MYO7B: variants seen among roughly 807,000 people sequenced by gnomAD.
The protein encoded by MYO7B is myosin VIIB, also known as unconventional myosin-VIIb.
MYO7B carries 212 observed loss-of-function variants against 259.7 expected under a neutral mutation model. The ratio of observed to expected loss-of-function variants is 0.82; its 90% confidence interval spans 0.73 to 0.91. The LOEUF is 0.91. Ranked by LOEUF, MYO7B falls within the 40% of genes least tolerant of loss-of-function variation. The probability of loss-of-function intolerance (pLI) is 0.00; values close to 1 mark genes in which losing one functional copy is unlikely to be tolerated. For synonymous variants in MYO7B, 1,197 were observed against 1,166.4 expected, an observed-to-expected ratio of 1.03 and a Z score of -0.54; for missense variants, 2,732 against 2,813.5, an observed-to-expected ratio of 0.97 and a Z score of 0.66.
chr2:127,578,416 A>T lies in MYO7B; in HGVS notation c.1003+130A>T, dbSNP rs1678966694. 4.9e-6 allele frequency: 6 copies of T among 1,214,890 alleles called. No individual in the cohort carries two copies. In the South Asian group the frequency reaches 9.1e-5, roughly 18 times the overall value. 75.3% of individuals were successfully genotyped at this position (1,214,890 alleles called of 1,614,324 possible). On this transcript the variant is annotated intron_variant, in intron 9 of 47. Coordinates refer to ENST00000409816, the MANE Select transcript of MYO7B (RefSeq NM_001393586.1). ...AACCCAGGCCTGGAAAAATATATCT[A>T]AAAAATTCAGCTGTGATTTTGGAGG...
intron 6 of MYO7B, among the ~76,000 whole-genome samples, chr2:127,572,588 C>T (rs546343848): frequency 2.7e-5 from 4 of 148,124 alleles, no homozygotes; most frequent in Non-Finnish European, 5.9e-5. Context: ...CTCCTTCCTT[C>T]CTTTCTTTTT....
Position 127,630,188 on chromosome 2 carries a change from A to C in MYO7B, c.4806+362A>C, listed in dbSNP as rs555482045. The stretch of plus-strand genomic sequence containing the variant: ...CCCCAAGACCAGCCTCTCCGGAGGC[A>C]GGAATGGCAGGCATTGCAACATGTA... On this transcript the variant is annotated intron_variant, in intron 35 of 47. Coordinates refer to ENST00000409816, the MANE Select transcript of MYO7B (RefSeq NM_001393586.1). Among the ~76,000 whole-genome samples the C allele has an allele frequency of 1.8e-3, 269 of 152,228 alleles. 2 individuals are homozygous for C. Among genetic ancestry groups the C allele is most frequent in the Non-Finnish European group, 2.4e-3 (161 of 68,042 alleles).
At chr2:127,595,562 G>C (rs960686204) in intron 18 of MYO7B, among the ~76,000 whole-genome samples, 3 of 152,218 alleles carry the variant, frequency 2.0e-5, no homozygotes, top group Non-Finnish European at 2.9e-5. Context: ...TGTGATGTCA[G>C]GGCGTCAATT....
At chr2:127,578,371 C>G in intron 9 of MYO7B, 85 bp downstream of exon 9, 1 of 1,533,736 alleles carries the variant, frequency 6.5e-7, no homozygotes, top group Non-Finnish European at 8.9e-7. Context: ...GGGGTTCTCA[C>G]AGGAAGGATC....
rs1381081388 is a variant in MYO7B, at chr2:127,586,331, C to A, written c.1690+1418C>A. Among the ~76,000 whole-genome samples, 1 of 152,166 alleles carries A rather than the reference C, an allele frequency of 6.6e-6. No homozygotes were observed. Among genetic ancestry groups the A allele is most frequent in the Non-Finnish European group, 1.5e-5 (1 of 68,022 alleles). On this transcript the variant is annotated intron_variant, in intron 14 of 47. Transcript: ENST00000409816. This position sits in a 1 kb window ranked among gnomAD's most constrained non-coding sequence, Gnocchi z 4.8. ...GAAAAACGAGGAAGGTGGCCGTGGG[C>A]TGCTGTGGTCAGGAAAGCAGGGCGG...
intron 1 of MYO7B, among the ~76,000 whole-genome samples, chr2:127,558,656 G>T (rs951421247): frequency 6.6e-6 from 1 of 152,096 alleles, no homozygotes; most frequent in African/African-American, 2.4e-5. Flanking sequence ...CATATATATA[G>T]AGATATAGAC....
rs1039883466 is a variant in MYO7B, at chr2:127,628,021, C to T, written c.4461-351C>T. On this transcript the variant is annotated intron_variant, in intron 33 of 47. Transcript: ENST00000409816. The surrounding 1 kb of genome is among the most constrained non-coding windows in gnomAD (Gnocchi z 4.8). ...ATGAGCGGATGAGTAAACTGAAGCACGCCGAGGTTAGGTGGCTCAGAGTAA... is the reference window on the plus strand; with the variant it reads ...ATGAGCGGATGAGTAAACTGAAGCATGCCGAGGTTAGGTGGCTCAGAGTAA... The T allele has an allele frequency of 4.2e-5, 21 of 498,994 alleles. No individual in the cohort carries two copies. The highest frequency in any genetic ancestry group is 1.5e-4 in the African/African-American group (8 of 51,776). 30.9% of individuals were successfully genotyped at this position (498,994 alleles called of 1,614,324 possible).
At position 127,593,555 on chromosome 2, in the gene MYO7B, A is replaced by C. The variant is rs760985677; in HGVS notation, c.2155A>C (p.Lys719Gln). 17 of 1,612,772 alleles carry C rather than the reference A, an allele frequency of 1.1e-5. No homozygotes were observed. Among genetic ancestry groups the C allele is most frequent in the Non-Finnish European group, 1.4e-5 (16 of 1,179,430 alleles). Residue 719 changes from lysine (K) to glutamine (Q), a missense_variant, in exon 18 of 48, where the codon AAG becomes CAG. Around this residue, in one of 3 missense-constraint regions of MYO7B, gnomAD observed 1,906 missense variants for 2,026.4 expected, o/e 0.94. Coordinates refer to ENST00000409816, the MANE Select transcript of MYO7B (RefSeq NM_001393586.1). ...CGTTTGGTCTTGGCAGCTGCAAGGC[A>C]AGCTCCGCCAGATGACCCTGGGCAT... ...PNAMRMQLQG[K>Q]LRQMTLGITD...
Position 127,565,335 on chromosome 2 carries a change from G to T in MYO7B, c.235G>T (p.Ala79Ser). The part of the protein sequence containing the change: ...DMIRLGDLNE[A>S]GMVHNLLIRY... Reference sequence around the variant, plus strand: ...GATCCGCCTGGGGGACCTGAACGAGGCAGGCATGGTGCACAACCTCCTGAT... The same window carrying T: ...GATCCGCCTGGGGGACCTGAACGAGTCAGGCATGGTGCACAACCTCCTGAT... Residue 79 changes from alanine (A) to serine (S), a missense_variant, in exon 4 of 48, where the codon GCA becomes TCA. Ala to Ser is a moderately conservative substitution (Grantham distance 99). Coordinates refer to ENST00000409816, the MANE Select transcript of MYO7B (RefSeq NM_001393586.1). 6.2e-7 allele frequency: 1 copy of T among 1,614,032 alleles called. No individual in the cohort carries two copies. Among genetic ancestry groups the T allele is most frequent in the Non-Finnish European group, 8.5e-7 (1 of 1,179,880 alleles).
At chr2:127,552,158 T>C (rs1005768236) in intron 1 of MYO7B, among the ~76,000 whole-genome samples, 4 of 152,262 alleles carry the variant, frequency 2.6e-5, no homozygotes, top group Non-Finnish European at 5.9e-5. Flanking sequence ...TTCTTTTCTT[T>C]GGGCCTTTTA....
At chr2:127,604,601 G>A (rs1285112483) in intron 19 of MYO7B, among the ~76,000 whole-genome samples, 2 of 152,126 alleles carry the variant, frequency 1.3e-5, no homozygotes, top group African/African-American at 2.4e-5. Flanking sequence ...AGTTTTGGAC[G>A]GGCCTTCCTC....
intron 1 of MYO7B, among the ~76,000 whole-genome samples, chr2:127,547,400 C>T (rs1039402959): frequency 1.3e-5 from 2 of 152,142 alleles, no homozygotes; most frequent in African/African-American, 2.4e-5. Flanking sequence ...TGGTAACACA[C>T]GTGCTTGTGT....
intron 1 of MYO7B, among the ~76,000 whole-genome samples, chr2:127,536,241 G>A (rs1486259269): frequency 1.3e-5 from 2 of 152,206 alleles, no homozygotes; most frequent in African/African-American, 4.8e-5. Flanking sequence ...TGTGCCGTGT[G>A]TGACATCCCA....
At chr2:127,569,613 G>A (rs1211579075) in intron 5 of MYO7B, among the ~76,000 whole-genome samples, 176 bp from the exon 6 acceptor site, 1 of 152,150 alleles carries the variant, frequency 6.6e-6, no homozygotes, top group Admixed American at 6.5e-5. Context: ...TACAACACAG[G>A]CAGCCTGAGA....
rs772592618 is a variant in MYO7B, at chr2:127,576,631, A to G, written c.772A>G (p.Met258Val). The change falls in exon 8 of 48, where the codon ATG becomes GTG. Residue 258 changes from methionine (M) to valine (V), a missense_variant. By Grantham distance (21) the Met-to-Val change is conservative. Transcript: ENST00000409816. The surrounding 1 kb of genome is among the most constrained non-coding windows in gnomAD (Gnocchi z 4.9). The part of the protein sequence containing the change: ...EERNYHIFYC[M>V]LMGVSAEDKQ... ...GCGGAACTACCATATCTTCTACTGCATGCTCATGGGGGTGAGTGCTGAGGA... is the reference window on the plus strand; with the variant it reads ...GCGGAACTACCATATCTTCTACTGCGTGCTCATGGGGGTGAGTGCTGAGGA... 4.3e-6 allele frequency: 7 copies of G among 1,610,716 alleles called. No individual in the cohort carries two copies. The East Asian group carries it at 6.7e-5, about 15-fold the overall frequency.
chr2:127,600,637 G>A (rs1472294065), intron 19 of MYO7B, among the ~76,000 whole-genome samples: 1 of 152,210 alleles, frequency 6.6e-6, no homozygotes, highest in Non-Finnish European at 1.5e-5. Context: ...TTGAACCTGG[G>A]AGGTGGAGGT....
rs762366777 is a variant in MYO7B at position 127,607,474 on chromosome 2, G to A, written c.2643+50G>A. 1 of 1,496,968 alleles carries A rather than the reference G, an allele frequency of 6.7e-7. No individual in the cohort carries two copies. The allele number at this position is 1,496,968 out of a possible 1,614,324, so 92.7% of individuals were successfully genotyped here. On this transcript the variant is annotated intron_variant, in intron 21 of 47. Coordinates refer to ENST00000409816, the MANE Select transcript of MYO7B (RefSeq NM_001393586.1). The surrounding 1 kb of genome is among the most constrained non-coding windows in gnomAD (Gnocchi z 4.4). ...GCAGGTGGGGCTGGCTGGGGCCCCA[G>A]TGGGTGAGGGCAAGAAGGAGTGAGC...
At chr2:127,552,140 CT>C (rs1157107597) in intron 1 of MYO7B, among the ~76,000 whole-genome samples, 2 of 152,152 alleles carry the variant, frequency 1.3e-5, no homozygotes, top group Non-Finnish European at 2.9e-5. Context: ...AAGTGTGCTT[CT>C]TGTATTTTCT....
rs4662741 is a variant in MYO7B, at chr2:127,584,972, G to A, written c.1690+59G>A. ...ATCTGGACCGGGTTCCAGGGAGACC[G>A]TGGAAAGCAGGCTCAGAGGATGAGG... On this transcript the variant is annotated intron_variant, in intron 14 of 47. Coordinates refer to ENST00000409816, the MANE Select transcript of MYO7B (RefSeq NM_001393586.1). This position sits in a 1 kb window ranked among gnomAD's most constrained non-coding sequence, Gnocchi z 5.8. The A allele has an allele frequency of 0.84, 1,341,732 of 1,596,358 alleles. 565,662 individuals carry two copies. The highest frequency in any genetic ancestry group is 0.98 in the East Asian group (44,010 of 44,688).
Sources: gnomAD v4.1 joint callset for allele counts (sites outside exome capture counted in the v4.1 genomes callset) on GRCh38, gnomAD v4.1.1 for gene constraint, gnomAD v4.1.1 regional missense constraint, Gnocchi (gnomAD v3.1) non-coding constraint, MANE v1.5 for transcripts, NCBI Gene and HGNC (gene_info 2026-07-23, HGNC 2026-07-21) for gene names.